Variants in PLEKHD1 observed in about 807,000 individuals in gnomAD.
PLEKHD1 encodes the protein pleckstrin homology and coiled-coil domain containing D1.
PLEKHD1 carries 51 observed loss-of-function variants against 69.2 expected under a neutral mutation model. The observed-to-expected ratio is 0.74, with a 90% CI of 0.59 to 0.93. The LOEUF (loss-of-function observed/expected upper bound fraction) is 0.93. PLEKHD1 is among the 40% of genes least tolerant of loss of function. The pLI, the probability that PLEKHD1 is intolerant of heterozygous loss-of-function variation, is 0.00. For synonymous variants in PLEKHD1, 236 were observed against 244.7 expected (o/e 0.96, Z 0.33); for missense variants, 584 against 641.0 (o/e 0.91, Z 0.96).
intron 1 of PLEKHD1, among the ~76,000 whole-genome samples, chr14:69,489,478 G>A (rs1285650656): frequency 6.1e-5 from 8 of 130,100 alleles, no homozygotes; most frequent in East Asian, 2.3e-4. Context: ...AGAATCGCTC[G>A]AACCTAGGAG....
intron 6 of PLEKHD1, among the ~76,000 whole-genome samples, chr14:69,517,915 G>T (rs1016103741): frequency 1.3e-4 from 19 of 151,902 alleles, no homozygotes; most frequent in Admixed American, 3.9e-4. Flanking sequence ...CATGTATCTT[G>T]GTTTGTAATG....
In PLEKHD1 at chr14:69,501,908, A is replaced by G. The variant is rs1883035065; in HGVS notation, c.502+83A>G. 18 of 1,234,656 alleles carry G rather than the reference A, an allele frequency of 1.5e-5. No individual in the cohort carries two copies. In the South Asian group the frequency reaches 2.3e-4, roughly 16 times the overall value. The allele number at this position is 1,234,656 out of a possible 1,614,324, so 76.5% of individuals were successfully genotyped here. A position where few individuals can be genotyped will look rare whatever the true frequency, so the allele number is the denominator to read the frequency against. On this transcript the variant is annotated intron_variant, in intron 5 of 12. Coordinates refer to ENST00000322564, the MANE Select transcript of PLEKHD1 (RefSeq NM_001161498.2). The stretch of plus-strand genomic sequence containing the variant: ...CCAGGGGCTTGGTAAAGGATGCAGC[A>G]GGGATGAGGGTCTCTCAGGTGGGGC...
intron 1 of PLEKHD1, among the ~76,000 whole-genome samples, chr14:69,486,539 G>C (rs1882659133): frequency 6.6e-6 from 1 of 152,156 alleles, no homozygotes; most frequent in South Asian, 2.1e-4. Context: ...GGGGTGGAAA[G>C]GCTGTGTGTA....
chr14:69,480,404 G>A (rs897565986), upstream of PLEKHD1, among the ~76,000 whole-genome samples: 1 of 152,234 alleles, frequency 6.6e-6, no homozygotes, highest in African/African-American at 2.4e-5. Flanking sequence ...CCTTCACTTG[G>A]CACAAGCCTG....
chr14:69,525,668 C>A (rs111827140), intron 8 of PLEKHD1, among the ~76,000 whole-genome samples: 6 of 152,236 alleles, frequency 3.9e-5, no homozygotes, highest in African/African-American at 1.4e-4. Flanking sequence ...CTGGAGGAAC[C>A]AGGACCCCAG....
Position 69,528,634 on chromosome 14 carries a change from C to T in PLEKHD1, c.*215C>T. 2 of 646,738 alleles carry T rather than the reference C, an allele frequency of 3.1e-6. No individual in the cohort carries two copies. Among genetic ancestry groups the T allele is most frequent in the Non-Finnish European group, 5.2e-6 (2 of 384,406 alleles). 40.1% of individuals were successfully genotyped at this position (646,738 alleles called of 1,614,324 possible). A position where few individuals can be genotyped will look rare whatever the true frequency, so the allele number is the denominator to read the frequency against. On this transcript the variant is annotated 3_prime_UTR_variant, in exon 13 of 13. Transcript: ENST00000322564. ...ACCCCACACCCCACCTTTGGGTCCACACCAGGGCCATGCAGGCCTGAGCTG... is the reference window on the plus strand; with the variant it reads ...ACCCCACACCCCACCTTTGGGTCCATACCAGGGCCATGCAGGCCTGAGCTG...
At chr14:69,474,747 C>T in the PLEKHD1 span, among the ~76,000 whole-genome samples, 7 of 152,118 alleles carry the variant, frequency 4.6e-5, no homozygotes, top group Admixed American at 6.6e-5. Flanking sequence ...ACCGGGTGTG[C>T]GGATGCAAAT....
chr14:69,491,683 A>G (rs1171350772), intron 1 of PLEKHD1, among the ~76,000 whole-genome samples: 1 of 152,202 alleles, frequency 6.6e-6, no homozygotes, highest in Non-Finnish European at 1.5e-5. Flanking sequence ...CCTTGGCTCC[A>G]GATGGGCTTA....
At position 69,527,211 on chromosome 14, in the gene PLEKHD1, C is replaced by T; in HGVS notation, c.1080C>T (p.Asp360=). The T allele has an allele frequency of 2.6e-6, 4 of 1,551,134 alleles. No individual in the cohort carries two copies. The highest frequency in any genetic ancestry group is 3.3e-4 in the Middle Eastern group (2 of 5,988). Residue 360 remains aspartate (D), a synonymous_variant, in exon 11 of 13, where the codon GAC becomes GAT. Transcript: ENST00000322564. ...ELKAEVKVRM[D]LERRLREAEG... Reference sequence around the variant, plus strand: ...AGGCTGAGGTGAAGGTCCGCATGGACCTGGAGAGGCGTCTCCGGGAGGCAG... The same window carrying T: ...AGGCTGAGGTGAAGGTCCGCATGGATCTGGAGAGGCGTCTCCGGGAGGCAG...
At chr14:69,492,094 C>T (rs1882789201) in intron 1 of PLEKHD1, among the ~76,000 whole-genome samples, 1 of 152,182 alleles carries the variant, frequency 6.6e-6, no homozygotes, top group Non-Finnish European at 1.5e-5. Flanking sequence ...CTCACTCTGC[C>T]CCGCTCTGTC....
intron 6 of PLEKHD1, among the ~76,000 whole-genome samples, chr14:69,508,597 T>A (rs947506431): frequency 6.6e-6 from 1 of 152,054 alleles, no homozygotes; most frequent in Non-Finnish European, 1.5e-5. Flanking sequence ...TATTTTTTGT[T>A]GTTGCCTGCC....
At position 69,524,245 on chromosome 14, in the gene PLEKHD1, G is replaced by T; in HGVS notation, c.667G>T (p.Ala223Ser). ...TCTCCACAGGGAGCTGGAACTGACT[G>T]CAAGATGCCTTAAGGGTGTAGAACA... ...EQIKRELELTARCLKGVEQEK... is the reference protein window; with the variant it reads ...EQIKRELELTSRCLKGVEQEK... Residue 223 changes from alanine to serine, a missense_variant, in exon 8 of 13, where the codon GCA becomes TCA. Transcript: ENST00000322564. 1.3e-6 allele frequency: 2 copies of T among 1,551,606 alleles called. No homozygotes were observed. Among genetic ancestry groups the T allele is most frequent in the South Asian group, 1.2e-5 (1 of 84,060 alleles).
Position 69,526,788 on chromosome 14 carries a change from G to A in PLEKHD1, c.1015G>A (p.Glu339Lys). ...CCAGGCACTGCAGAACTCGCTGCAG[G>A]AGCTGACGGCAGAGAAGCAGCAGGC... ...QSQALQNSLQELTAEKQQAER... is the reference protein window; with the variant it reads ...QSQALQNSLQKLTAEKQQAER... The change falls in exon 10 of 13, where the codon GAG becomes AAG. Residue 339 changes from glutamate to lysine, a missense_variant. Coordinates refer to ENST00000322564, the MANE Select transcript of PLEKHD1 (RefSeq NM_001161498.2). 2 of 1,550,218 alleles carry A rather than the reference G, an allele frequency of 1.3e-6. No individual in the cohort carries two copies. The highest frequency in any genetic ancestry group is 2.7e-5 in the African/African-American group (2 of 73,142).
upstream of PLEKHD1, among the ~76,000 whole-genome samples, chr14:69,483,162 A>T (rs1034105375): frequency 6.6e-6 from 1 of 152,140 alleles, no homozygotes; most frequent in East Asian, 1.9e-4. Flanking sequence ...GCCATGAGAG[A>T]AGTGCAAGGA....
intron 8 of PLEKHD1, among the ~76,000 whole-genome samples, chr14:69,525,629 G>A (rs17836256): frequency 0.12 from 17,691 of 152,088 alleles, 1,182 homozygotes; most frequent in Non-Finnish European, 0.14. Flanking sequence ...TGTTTTTCAC[G>A]TAAGCCCACT....
At chr14:69,506,830 A>G (rs34658214) in intron 6 of PLEKHD1, among the ~76,000 whole-genome samples, 3,866 of 150,836 alleles carry the variant, frequency 0.026, 75 homozygotes, top group Non-Finnish European at 0.041. Context: ...GTAGTATCAT[A>G]CACAATAGTT....
Position 69,529,066 on chromosome 14 carries a change from C to T in PLEKHD1, c.*647C>T. On this transcript the variant is annotated 3_prime_UTR_variant, in exon 13 of 13. Coordinates refer to ENST00000322564, the MANE Select transcript of PLEKHD1 (RefSeq NM_001161498.2). ...GCCACAGTGCCGCTTTTCCTGAGCTCAGGCCCTGGCTGTGGGGCCACCCAC... is the reference window on the plus strand; with the variant it reads ...GCCACAGTGCCGCTTTTCCTGAGCTTAGGCCCTGGCTGTGGGGCCACCCAC... The T allele has an allele frequency of 6.5e-6, 1 of 152,968 alleles. No individual in the cohort carries two copies. Among genetic ancestry groups the T allele is most frequent in the Non-Finnish European group, 1.5e-5 (1 of 68,550 alleles). The allele number at this position is 152,968 out of a possible 1,614,324, so 9.5% of individuals were successfully genotyped here.
chr14:69,490,544 T>C (rs894648595), intron 1 of PLEKHD1, among the ~76,000 whole-genome samples: 1 of 152,180 alleles, frequency 6.6e-6, no homozygotes, highest in Admixed American at 6.5e-5. Flanking sequence ...ATTACGGTTG[T>C]CTTACTGTTG....
chr14:69,483,381 A>ATGGGTG (rs1206593338), upstream of PLEKHD1, among the ~76,000 whole-genome samples: 1 of 151,964 alleles, frequency 6.6e-6, no homozygotes, highest in Admixed American at 6.6e-5. Flanking sequence ...ATAGGGGATG[A>ATGGGTG]TGGGGCCTGT....
Sources: gnomAD v4.1 joint callset for allele counts (sites outside exome capture counted in the v4.1 genomes callset) on GRCh38, gnomAD v4.1.1 for gene constraint, MANE v1.5 for transcripts, NCBI Gene and HGNC (gene_info 2026-07-23, HGNC 2026-07-21) for gene names.